CEP128: variants seen among roughly 807,000 people sequenced by gnomAD.
CEP128 encodes the protein centrosomal protein 128kDa.
In CEP128, 132 loss-of-function variants were observed where a neutral mutation model predicts 156.7. The ratio of observed to expected loss-of-function variants is 0.84; its 90% confidence interval spans 0.73 to 0.97. The LOEUF is 0.97. Ranked by LOEUF, CEP128 falls within the 50% of genes least tolerant of loss-of-function variation. The pLI, the probability that CEP128 is intolerant of heterozygous loss-of-function variation, is 0.00. For missense variants in CEP128, 1,252 were observed against 1,281.9 expected (o/e 0.98, Z 0.36); for synonymous variants, 469 against 448.9 (o/e 1.04, Z -0.57).
chr14:80,539,540 C>T (rs1464561769), intron 21 of CEP128, among the ~76,000 whole-genome samples: 1 of 152,274 alleles, frequency 6.6e-6, no homozygotes, highest in Admixed American at 6.5e-5. Flanking sequence ...TGAGGATGTA[C>T]GTCACCACAG....
At chr14:80,619,706 T>TC (rs765078464) in intron 19 of CEP128, among the ~76,000 whole-genome samples, 6,830 of 124,388 alleles carry the variant, frequency 0.055, 206 homozygotes, top group South Asian at 0.089. Context: ...CTGTCTCAAG[T>TC]TAAAAAAAAA....
intron 13 of CEP128, among the ~76,000 whole-genome samples, chr14:80,802,159 C>G (rs1449188665): frequency 6.6e-6 from 1 of 151,980 alleles, no homozygotes; most frequent in Admixed American, 6.6e-5. Flanking sequence ...ACCAGAAATA[C>G]CATTTCACCC....
chr14:80,846,243 T>C (rs1886595741), intron 9 of CEP128, among the ~76,000 whole-genome samples: 1 of 152,176 alleles, frequency 6.6e-6, no homozygotes, highest in Admixed American at 6.6e-5. Context: ...CAACTCACAG[T>C]AGCAATCAGA....
At chr14:80,566,106 C>A (rs553176633) in intron 20 of CEP128, among the ~76,000 whole-genome samples, 2 of 152,250 alleles carry the variant, frequency 1.3e-5, no homozygotes, top group South Asian at 4.1e-4. Context: ...ACATTGAGGA[C>A]TCCCTACCAT....
intron 2 of CEP128, among the ~76,000 whole-genome samples, chr14:80,946,815 C>G (rs887284674): frequency 6.6e-6 from 1 of 152,078 alleles, no homozygotes; most frequent in African/African-American, 2.4e-5. Flanking sequence ...GTTCCGTGTC[C>G]CCACCCAAAT....
At chr14:80,626,190 C>A (rs111968182) in intron 19 of CEP128, among the ~76,000 whole-genome samples, 2 of 151,846 alleles carry the variant, frequency 1.3e-5, no homozygotes, top group African/African-American at 2.4e-5. Flanking sequence ...CAGGGCCGGG[C>A]GCGGTGGCTC....
chr14:80,895,726 G>A lies in CEP128; in HGVS notation c.637C>T (p.Gln213Ter), dbSNP rs762541245. ...LTEKLNEAQK[Q>*]EVVSDRVERR... ...TAAAAAAGAGATCTCACCACTTCTT[G>A]TTTCTGGGCTTCATTAAGTTTTTCA... The change falls in exon 8 of 25, where the codon CAA (glutamine) becomes TAA (stop). Residue 213 changes from glutamine to a stop codon, truncating the protein, a stop_gained. Coordinates refer to ENST00000555265, the MANE Select transcript of CEP128 (RefSeq NM_152446.5). LOFTEE classifies it high-confidence loss of function. 6.4e-7 allele frequency: 1 copy of A among 1,555,810 alleles called. No individual in the cohort carries two copies. The highest frequency in any genetic ancestry group is 1.2e-5 in the South Asian group (1 of 83,444).
intron 2 of CEP128, among the ~76,000 whole-genome samples, chr14:80,949,019 A>T (rs1338749853): frequency 6.6e-6 from 1 of 152,138 alleles, no homozygotes; most frequent in Non-Finnish European, 1.5e-5. Flanking sequence ...ATAAAATGTT[A>T]TAGGTTTCAG....
At chr14:80,542,198 T>C (rs1227672651) in intron 21 of CEP128, among the ~76,000 whole-genome samples, 2 of 152,230 alleles carry the variant, frequency 1.3e-5, no homozygotes, top group Admixed American at 6.5e-5. Context: ...AATGTGTGTT[T>C]ACTTGTCTCT....
chr14:80,772,247 CT>C (rs2139740069), intron 16 of CEP128, among the ~76,000 whole-genome samples: 1 of 152,238 alleles, frequency 6.6e-6, no homozygotes, highest in Admixed American at 6.5e-5. Flanking sequence ...CCCCAAACCC[CT>C]GGCTCCATGA....
intron 13 of CEP128, among the ~76,000 whole-genome samples, chr14:80,824,214 G>C (rs552866618): frequency 2.0e-5 from 3 of 152,140 alleles, no homozygotes; most frequent in African/African-American, 7.2e-5. Flanking sequence ...CCCTGGGCCC[G>C]GATCATGAAA....
chr14:80,836,452 G>C, intron 11 of CEP128, 115 bp from the exon 12 acceptor site: 1 of 1,122,522 alleles, frequency 8.9e-7, no homozygotes, highest in Non-Finnish European at 1.3e-6. Context: ...AAGCATAGTG[G>C]AACGGTTTCC....
Position 80,776,406 on chromosome 14 carries a change from T to C in CEP128, c.2376+1476A>G, listed in dbSNP as rs572391810. On this transcript the variant is annotated intron_variant, in intron 16 of 24. Transcript: ENST00000555265. ...GACTATAGGCCTAAATTTAGCAACA[T>C]AAGCACATTTAATCATAAACTCCTA... Among the ~76,000 whole-genome samples the C allele has an allele frequency of 2.9e-4, 44 of 151,352 alleles. No individual in the cohort carries two copies. In the South Asian group the frequency reaches 9.1e-3, roughly 31 times the overall value.
chr14:80,796,301 A>C (rs988065243), intron 13 of CEP128, among the ~76,000 whole-genome samples: 3 of 152,158 alleles, frequency 2.0e-5, no homozygotes, highest in African/African-American at 7.2e-5. Flanking sequence ...CTCTACTAAA[A>C]ACACAAAAAT....
At chr14:80,598,875 T>G (rs1892456201) in intron 19 of CEP128, among the ~76,000 whole-genome samples, 1 of 152,068 alleles carries the variant, frequency 6.6e-6, no homozygotes, top group South Asian at 2.1e-4. Context: ...AAGAATGGAA[T>G]GAGGGTGGAA....
intron 19 of CEP128, among the ~76,000 whole-genome samples, chr14:80,596,920 A>G (rs1892352768): frequency 6.6e-6 from 1 of 151,088 alleles, no homozygotes; most frequent in Non-Finnish European, 1.5e-5. Flanking sequence ...AAGCTGATGC[A>G]GTTCTGAGAG....
intron 21 of CEP128, among the ~76,000 whole-genome samples, chr14:80,557,547 G>T (rs1041217819): frequency 6.6e-6 from 1 of 152,106 alleles, no homozygotes; most frequent in Non-Finnish European, 1.5e-5. Flanking sequence ...AATTCTGTTG[G>T]CAAGACACTT....
At chr14:80,691,805 G>A (rs1367221529) in intron 19 of CEP128, among the ~76,000 whole-genome samples, 1 of 152,092 alleles carries the variant, frequency 6.6e-6, no homozygotes, top group Non-Finnish European at 1.5e-5. Flanking sequence ...AAGTTTTTAA[G>A]TATCTTATAT....
intron 13 of CEP128, among the ~76,000 whole-genome samples, chr14:80,810,344 A>AAAAAAAAAAAAAAAAAAAAAAAAC: frequency 6.7e-6 from 1 of 148,764 alleles, no homozygotes; most frequent in Non-Finnish European, 1.5e-5. Context: ...AAAAAAAAAA[A>AAAAAAAAAAAAAAAAAAAAAAAAC]AAAAGAATAT....
Sources: allele counts gnomAD v4.1 joint callset (sites outside exome capture counted in the v4.1 genomes callset), GRCh38; gene constraint gnomAD v4.1.1; transcripts MANE v1.5; gene names NCBI Gene and HGNC (gene_info 2026-07-23, HGNC 2026-07-21).